The following NARS2 variants were observed in gnomAD, a reference collection of about 807,000 sequenced individuals.
The protein encoded by NARS2 is asparaginyl-tRNA synthetase.
NARS2 carries 60 observed loss-of-function variants against 62.9 expected under a neutral mutation model. The observed-to-expected ratio is 0.95, with a 90% CI of 0.77 to 1.18. The LOEUF (loss-of-function observed/expected upper bound fraction) is 1.18. Among genes scored for constraint, NARS2 ranks in the 50% most tolerant of loss-of-function variants. NARS2 has a pLI of 0.00. For missense variants in NARS2, 619 were observed against 576.4 expected (o/e 1.07, Z -0.76); for synonymous variants, 196 against 200.0 (o/e 0.98, Z 0.17).
chr11:78,454,551 G>C (rs911270059), intron 11 of NARS2, among the ~76,000 whole-genome samples: 1 of 151,794 alleles, frequency 6.6e-6, no homozygotes, highest in African/African-American at 2.4e-5. Flanking sequence ...AGAAGTTGAT[G>C]CCATTCTTGT....
chr11:78,538,752 T>C (rs1590831762), intron 5 of NARS2, among the ~76,000 whole-genome samples: 1 of 151,682 alleles, frequency 6.6e-6, no homozygotes, highest in East Asian at 2.0e-4. Flanking sequence ...TCCCAGCACT[T>C]TGGGAGGCCG....
chr11:78,461,161 T>A (rs949405042), intron 11 of NARS2, among the ~76,000 whole-genome samples: 1 of 151,960 alleles, frequency 6.6e-6, no homozygotes, highest in Admixed American at 6.6e-5. Flanking sequence ...TGTATATGAG[T>A]CTAGAGCTCA....
intron 7 of NARS2, among the ~76,000 whole-genome samples, chr11:78,490,981 T>C (rs1038465894): frequency 6.6e-6 from 1 of 152,098 alleles, no homozygotes; most frequent in African/African-American, 2.4e-5. Context: ...CTAATATAAC[T>C]GAGAAAAATA....
At chr11:78,550,394 T>C (rs1431178448) in intron 5 of NARS2, among the ~76,000 whole-genome samples, 2 of 152,242 alleles carry the variant, frequency 1.3e-5, no homozygotes, top group African/African-American at 4.8e-5. Context: ...TCAGTCATTT[T>C]CTGTCTATAA....
At chr11:78,442,948 T>C (rs552391013) in intron 12 of NARS2, among the ~76,000 whole-genome samples, 268 of 152,322 alleles carry the variant, frequency 1.8e-3, no homozygotes, top group Non-Finnish European at 3.4e-3. Context: ...ATCCTTTCCC[T>C]GGCTCAGAGT....
chr11:78,533,386 C>T (rs1331661021), intron 5 of NARS2: 1 of 152,108 alleles, frequency 6.6e-6, no homozygotes, highest in Non-Finnish European at 1.5e-5. Flanking sequence ...ATTAAAAAGT[C>T]TTGCTTGTCT....
At chr11:78,504,659 C>G (rs1860420609) in intron 6 of NARS2, among the ~76,000 whole-genome samples, 2 of 152,122 alleles carry the variant, frequency 1.3e-5, no homozygotes, top group African/African-American at 4.8e-5. Context: ...CTGTAAAACA[C>G]ATACAAACAC....
At chr11:78,550,030 T>TA (rs1856038728) in intron 5 of NARS2, among the ~76,000 whole-genome samples, 1 of 152,162 alleles carries the variant, frequency 6.6e-6, no homozygotes, top group African/African-American at 2.4e-5. Context: ...CCAACATCCT[T>TA]AGTCATGTTA....
At chr11:78,454,363 T>C (rs141174912) in intron 11 of NARS2, among the ~76,000 whole-genome samples, 1 of 152,340 alleles carries the variant, frequency 6.6e-6, no homozygotes, top group African/African-American at 2.4e-5. Flanking sequence ...TGAATGGCGT[T>C]GTGCCATTCC....
chr11:78,493,249 T>A (rs1449325913), intron 6 of NARS2, 54 bp from the exon 7 acceptor site: 2 of 1,477,416 alleles, frequency 1.4e-6, no homozygotes, highest in Non-Finnish European at 1.8e-6. Flanking sequence ...TAATTTTAAG[T>A]ATTTAAATAT....
At chr11:78,478,730 T>C (rs1345814796) in intron 7 of NARS2, 47 bp from the exon 8 acceptor site, 10 of 1,247,108 alleles carry the variant, frequency 8.0e-6, no homozygotes, top group Non-Finnish European at 1.0e-5. Context: ...CAATTTTACA[T>C]GAAAAACCTG....
intron 5 of NARS2, among the ~76,000 whole-genome samples, chr11:78,538,216 A>G (rs965763149): frequency 3.3e-5 from 5 of 152,166 alleles, no homozygotes; most frequent in African/African-American, 9.7e-5. Context: ...AGCACAATAC[A>G]TTCACCTCAA....
chr11:78,568,578 T>C lies in NARS2; in HGVS notation c.372+54A>G. ...TCCTAATAATCACACTTAAAACAGA[T>C]TGCTGTCTTAATTAAAGCCTAAACA... is the stretch of plus-strand genomic sequence containing the variant. On this transcript the variant is annotated intron_variant, in intron 3 of 13. Coordinates refer to ENST00000281038, the MANE Select transcript of NARS2 (RefSeq NM_024678.6). 17 of 1,562,540 alleles carry C rather than the reference T, an allele frequency of 1.1e-5. No individual in the cohort carries two copies. In the South Asian group the frequency reaches 1.3e-4, roughly 12 times the overall value.
intron 10 of NARS2, among the ~76,000 whole-genome samples, chr11:78,467,574 T>C (rs1383002078): frequency 1.3e-5 from 2 of 151,498 alleles, no homozygotes; most frequent in Non-Finnish European, 2.9e-5. Flanking sequence ...AATAAATTAA[T>C]TAATTAATTA....
chr11:78,457,826 ACAAAC>A (rs1858228162), intron 11 of NARS2, among the ~76,000 whole-genome samples: 1 of 151,330 alleles, frequency 6.6e-6, no homozygotes, highest in Non-Finnish European at 1.5e-5. Flanking sequence ...ACACACACAC[ACAAAC>A]ACACACACAC....
chr11:78,499,348 A>G (rs1382733977), intron 6 of NARS2, among the ~76,000 whole-genome samples: 1 of 152,032 alleles, frequency 6.6e-6, no homozygotes, highest in Non-Finnish European at 1.5e-5. Context: ...TGTGGCCCAG[A>G]CTGGACTCCT....
intron 6 of NARS2, among the ~76,000 whole-genome samples, chr11:78,523,369 G>A (rs2135416322): frequency 6.6e-6 from 1 of 152,230 alleles, no homozygotes; most frequent in East Asian, 1.9e-4. Context: ...ATTGCTGGTG[G>A]GACTGTAAAA....
At chr11:78,548,194 G>A (rs1243276273) in intron 5 of NARS2, among the ~76,000 whole-genome samples, 1 of 152,108 alleles carries the variant, frequency 6.6e-6, no homozygotes, top group Non-Finnish European at 1.5e-5. Context: ...ACTCCAGCCT[G>A]GGTGACAGCA....
intron 9 of NARS2, among the ~76,000 whole-genome samples, chr11:78,475,640 T>A (rs1859061975): frequency 7.1e-6 from 1 of 141,450 alleles, no homozygotes; most frequent in African/African-American, 2.7e-5. Flanking sequence ...TCTCCCAGGC[T>A]GGAGTGCAGC....
Sources: allele counts gnomAD v4.1 joint callset (sites outside exome capture counted in the v4.1 genomes callset), GRCh38; gene constraint gnomAD v4.1.1; transcripts MANE v1.5; gene names NCBI Gene and HGNC (gene_info 2026-07-23, HGNC 2026-07-21).